PCDHA4: variants seen among roughly 807,000 people sequenced by gnomAD.
PCDHA4 encodes the protein protocadherin alpha-4.
Under a neutral mutation model 61.4 loss-of-function variants are expected in PCDHA4, and 49 were observed. The ratio of observed to expected loss-of-function variants is 0.80; its 90% CI spans 0.63 to 1.01. The LOEUF (loss-of-function observed/expected upper bound fraction) is 1.01. Among genes scored for constraint, PCDHA4 ranks in the 50% least tolerant of loss-of-function variants. The pLI, the probability that PCDHA4 is intolerant of heterozygous loss-of-function variation, is 0.00. For synonymous variants in PCDHA4, 590 were observed against 550.3 expected (o/e 1.07, Z -1.01); for missense variants, 1,254 against 1,235.8 (o/e 1.01, Z -0.22).
intron 1 of PCDHA4, chr5:140,968,016 A>G: frequency 6.2e-7 from 1 of 1,613,240 alleles, no homozygotes; most frequent in Non-Finnish European, 8.5e-7. Flanking sequence ...GGCTTTGGAA[A>G]CTCCTATACA....
intron 1 of PCDHA4, chr5:140,824,610 G>GGTTTTTTTTTT (rs1768189767): frequency 1.1e-5 from 1 of 95,104 alleles, no homozygotes; most frequent in African/African-American, 4.9e-5. Context: ...GCTAATTAAA[G>GGTTTTTTTTTT]TTTTTTTTTT....
intron 1 of PCDHA4, among the ~76,000 whole-genome samples, chr5:140,965,232 G>C (rs192008157): frequency 6.6e-5 from 10 of 152,194 alleles, no homozygotes; most frequent in Non-Finnish European, 1.0e-4. Context: ...GTGAGAACCT[G>C]GGAAGAGTGA....
At position 140,848,871 on chromosome 5, in the gene PCDHA4, A is replaced by G. The variant is rs2040646232; in HGVS notation, c.2385+39299A>G. The G allele has an allele frequency of 4.4e-6, 7 of 1,590,744 alleles. 1 individual carries two copies. The African/African-American group carries it at 6.8e-5, about 15-fold the overall frequency. On this transcript the variant is annotated intron_variant, in intron 1 of 3. Coordinates refer to ENST00000530339, the MANE Select transcript of PCDHA4 (RefSeq NM_018907.4). ...CCATGTGGACGTGGAGGTGAAGGAC[A>G]TTAACGACAACCCTCCAGTGTTCCC...
At chr5:140,872,812 C>G (rs1233699706) in intron 1 of PCDHA4, among the ~76,000 whole-genome samples, 2 of 152,144 alleles carry the variant, frequency 1.3e-5, no homozygotes, top group African/African-American at 4.8e-5. Context: ...ATAAGTTTTT[C>G]AGATTCATCT....
intron 1 of PCDHA4, among the ~76,000 whole-genome samples, chr5:140,945,069 A>G (rs550774069): frequency 6.6e-6 from 1 of 152,278 alleles, no homozygotes; most frequent in East Asian, 1.9e-4. Context: ...TACAGACTCC[A>G]CCAAAACACT....
intron 1 of PCDHA4, chr5:140,828,674 T>C: frequency 6.2e-7 from 1 of 1,614,218 alleles, no homozygotes; most frequent in Non-Finnish European, 8.5e-7. Context: ...AATTGGGCTC[T>C]TATTAAAGAA....
intron 1 of PCDHA4, among the ~76,000 whole-genome samples, chr5:140,840,275 G>C (rs1776636892): frequency 6.6e-6 from 1 of 151,944 alleles, no homozygotes; most frequent in Non-Finnish European, 1.5e-5. Flanking sequence ...AATGATTTGG[G>C]TTTTGGGTGA....
intron 1 of PCDHA4, among the ~76,000 whole-genome samples, chr5:140,965,255 G>C (rs1426270395): frequency 1.3e-5 from 2 of 152,196 alleles, no homozygotes; most frequent in Non-Finnish European, 2.9e-5. Context: ...ATTCAGAACT[G>C]AGCAGCAGAG....
At chr5:140,917,892 T>C (rs1382149175) in intron 1 of PCDHA4, among the ~76,000 whole-genome samples, 2 of 152,104 alleles carry the variant, frequency 1.3e-5, no homozygotes, top group African/African-American at 4.8e-5. Flanking sequence ...TTTTTCCATA[T>C]GAATGTTAGG....
In PCDHA4 at chr5:140,808,333, T is replaced by C. The variant is rs782408081; in HGVS notation, c.1146T>C (p.Asn382=). The C allele has an allele frequency of 1.2e-6, 2 of 1,614,240 alleles. No homozygotes were observed. Among genetic ancestry groups the C allele is most frequent in the East Asian group, 4.5e-5 (2 of 44,880 alleles). The stretch of plus-strand genomic sequence containing the variant: ...TGTCCGACAAAGACATGGGTGTCAA[T>C]GGGCTGGTCACCTGCTCCTTGACGT... ...ISVSDKDMGV[N]GLVTCSLTSH... is the part of the protein sequence containing the mutation. Residue 382 remains asparagine, a synonymous_variant, in exon 1 of 4, where the codon AAT becomes AAC. Coordinates refer to ENST00000530339, the MANE Select transcript of PCDHA4 (RefSeq NM_018907.4).
chr5:140,818,100 T>C (rs1361463001), intron 1 of PCDHA4, among the ~76,000 whole-genome samples: 1 of 152,252 alleles, frequency 6.6e-6, no homozygotes, highest in Non-Finnish European at 1.5e-5. Context: ...TGTGGGTTGA[T>C]AATATTTTAT....
intron 3 of PCDHA4, among the ~76,000 whole-genome samples, chr5:141,006,294 C>T (rs2098266534): frequency 6.6e-6 from 1 of 152,048 alleles, no homozygotes; most frequent in African/African-American, 2.4e-5. Flanking sequence ...TCACTGCAAG[C>T]TCCACTTCCC....
At chr5:140,829,647 C>T (rs2150172016) in intron 1 of PCDHA4, 2 of 1,612,324 alleles carry the variant, frequency 1.2e-6, no homozygotes, top group East Asian at 4.5e-5. Context: ...AAGGTGTACG[C>T]GCTGCAGCCG....
At chr5:140,987,995 C>T (rs1554249784) in intron 3 of PCDHA4, among the ~76,000 whole-genome samples, 3 of 152,178 alleles carry the variant, frequency 2.0e-5, no homozygotes, top group African/African-American at 7.2e-5. Flanking sequence ...CATCTCTGAT[C>T]CTTCCCCAGA....
At chr5:140,927,688 G>C in intron 1 of PCDHA4, 1 of 1,614,062 alleles carries the variant, frequency 6.2e-7, no homozygotes, top group Non-Finnish European at 8.5e-7. Context: ...AGGGTCCAAT[G>C]GGGAAGTCCA....
At chr5:141,001,097 T>TC (rs1554257999) in intron 3 of PCDHA4, among the ~76,000 whole-genome samples, 1 of 152,114 alleles carries the variant, frequency 6.6e-6, no homozygotes, top group Non-Finnish European at 1.5e-5. Flanking sequence ...AACTGTCTAA[T>TC]CCATAATAAG....
intron 1 of PCDHA4, chr5:140,878,017 G>A: frequency 1.2e-6 from 1 of 800,034 alleles, no homozygotes; most frequent in Non-Finnish European, 1.8e-6. Flanking sequence ...ATTAATGAAG[G>A]AAATATGTAG....
rs115795241 is a variant in PCDHA4, at chr5:140,931,728, G to A, written c.2386-47221G>A. 2.8e-3 allele frequency among the ~76,000 whole-genome samples: 427 copies of A among 151,850 alleles called. 1 individual carries two copies. The highest frequency in any genetic ancestry group is 4.4e-3 in the Non-Finnish European group (297 of 67,780). ...GAATAAAATAACTTCTATAAATATGGGGTATTTGTAATTCACAAAGGCATT... is the reference window on the plus strand; with the variant it reads ...GAATAAAATAACTTCTATAAATATGAGGTATTTGTAATTCACAAAGGCATT... On this transcript the variant is annotated intron_variant, in intron 1 of 3. Coordinates refer to ENST00000530339, the MANE Select transcript of PCDHA4 (RefSeq NM_018907.4).
At chr5:140,913,789 T>C (rs2076466373) in intron 1 of PCDHA4, among the ~76,000 whole-genome samples, 1 of 152,176 alleles carries the variant, frequency 6.6e-6, no homozygotes, top group African/African-American at 2.4e-5. Context: ...CCATTATCAT[T>C]TGTTTGAATC....
Sources: gnomAD v4.1 joint callset for allele counts (sites outside exome capture counted in the v4.1 genomes callset) on GRCh38, gnomAD v4.1.1 for gene constraint, MANE v1.5 for transcripts, NCBI Gene and HGNC (gene_info 2026-07-23, HGNC 2026-07-21) for gene names.